The following ELK3 variants were observed in gnomAD, a reference collection of about 807,000 sequenced individuals.
ELK3 encodes the protein ETS domain-containing protein Elk-3.
Under a neutral mutation model 28.9 loss-of-function variants are expected in ELK3, and 10 were observed. The observed-to-expected ratio is 0.35, with a 90% CI of 0.21 to 0.59. The LOEUF is 0.59. Ranked by LOEUF, ELK3 falls within the 20% of genes least tolerant of loss-of-function variation. ELK3 has a pLI of 0.82. For missense variants in ELK3, 463 were observed against 517.3 expected, an observed-to-expected ratio of 0.90 and a Z score of 1.02; for synonymous variants, 272 against 243.5, an observed-to-expected ratio of 1.12 and a Z score of -1.09.
chr12:96,249,980 G>T (rs956398886), intron 3 of ELK3, among the ~76,000 whole-genome samples: 1 of 152,196 alleles, frequency 6.6e-6, no homozygotes, highest in Admixed American at 6.5e-5. Context: ...AGCTGTGAGG[G>T]TGGGGCTGTG....
At chr12:96,242,033 G>T (rs918103403) in intron 2 of ELK3, among the ~76,000 whole-genome samples, 1 of 152,204 alleles carries the variant, frequency 6.6e-6, no homozygotes, top group Admixed American at 6.5e-5. Context: ...CTAAAACCAC[G>T]CTGGAGATGC....
intron 1 of ELK3, among the ~76,000 whole-genome samples, chr12:96,196,946 AGTG>A (rs1951474150): frequency 6.6e-6 from 1 of 152,148 alleles, no homozygotes. Context: ...GGTATGAGTC[AGTG>A]GACATGAGTA....
At chr12:96,199,048 A>G (rs1041407314) in intron 1 of ELK3, among the ~76,000 whole-genome samples, 1 of 152,158 alleles carries the variant, frequency 6.6e-6, no homozygotes, top group Non-Finnish European at 1.5e-5. Context: ...CTCTTGAAAG[A>G]CTGAGTTCCT....
chr12:96,209,327 G>A (rs1226848059), intron 1 of ELK3, among the ~76,000 whole-genome samples: 2 of 152,008 alleles, frequency 1.3e-5, no homozygotes, highest in Admixed American at 1.3e-4. Context: ...ACCCTTCCCA[G>A]AAAGACGCCT....
At chr12:96,231,528 T>C (rs1333879517) in intron 2 of ELK3, among the ~76,000 whole-genome samples, 3 of 152,196 alleles carry the variant, frequency 2.0e-5, no homozygotes, top group Admixed American at 6.5e-5. Flanking sequence ...GTTTCACTCC[T>C]GTTGGCCAGA....
chr12:96,213,733 GT>G (rs1190046661), intron 1 of ELK3: 1 of 150,812 alleles, frequency 6.6e-6, no homozygotes, highest in Non-Finnish European at 1.5e-5. Flanking sequence ...CTTTTTTTTT[GT>G]TTTGTTTTTG....
At chr12:96,265,695 A>G (rs1952024294) in intron 4 of ELK3, among the ~76,000 whole-genome samples, 1 of 152,184 alleles carries the variant, frequency 6.6e-6, no homozygotes, top group Non-Finnish European at 1.5e-5. Context: ...AAATAAATAA[A>G]TAAATGAAAA....
At chr12:96,239,803 C>T (rs1311757046) in intron 2 of ELK3, among the ~76,000 whole-genome samples, 3 of 152,216 alleles carry the variant, frequency 2.0e-5, no homozygotes, top group African/African-American at 7.2e-5. Flanking sequence ...GCTCTTCTCC[C>T]TCCCAGTCTG....
intron 2 of ELK3, 77 bp downstream of exon 2, chr12:96,223,850 T>C (rs746367228): frequency 2.8e-6 from 4 of 1,408,350 alleles, no homozygotes; most frequent in Non-Finnish European, 4.0e-6. Context: ...TGAAAGAAAA[T>C]AATAGCGTGC....
chr12:96,258,148 T>A (rs901238804), intron 3 of ELK3, among the ~76,000 whole-genome samples: 1 of 152,212 alleles, frequency 6.6e-6, no homozygotes, highest in African/African-American at 2.4e-5. Flanking sequence ...GGCTGGGAAG[T>A]AGTGGTTCTG....
chr12:96,202,320 C>T (rs1951512528), intron 1 of ELK3, among the ~76,000 whole-genome samples: 1 of 152,160 alleles, frequency 6.6e-6, no homozygotes, highest in African/African-American at 2.4e-5. Context: ...TGTCCTCTGC[C>T]CTCTGTCCAC....
intron 1 of ELK3, among the ~76,000 whole-genome samples, chr12:96,221,284 G>A (rs1291923713): frequency 6.6e-6 from 1 of 152,230 alleles, no homozygotes; most frequent in Non-Finnish European, 1.5e-5. Context: ...TGCACAAGAA[G>A]CTCCGAGGAG....
At chr12:96,259,623 C>T (rs774499324) in intron 3 of ELK3, 108 bp from the exon 4 acceptor site, 50 of 1,260,076 alleles carry the variant, frequency 4.0e-5, no homozygotes, top group African/African-American at 1.2e-4. Context: ...ATGGTAAGGT[C>T]GTTTCCTGGC....
chr12:96,246,888 C>A (rs1372329578), intron 2 of ELK3, 52 bp from the exon 3 acceptor site: 1 of 1,520,704 alleles, frequency 6.6e-7, no homozygotes, highest in Non-Finnish European at 8.9e-7. Context: ...TGAGCTCTTA[C>A]ATGGTTTCTC....
At chr12:96,203,709 G>A (rs1951521149) in intron 1 of ELK3, among the ~76,000 whole-genome samples, 1 of 152,212 alleles carries the variant, frequency 6.6e-6, no homozygotes, top group African/African-American at 2.4e-5. Context: ...GAGAGGCCGA[G>A]GCGGGCAGAT....
At chr12:96,249,336 C>T (rs1471364911) in intron 3 of ELK3, among the ~76,000 whole-genome samples, 3 of 152,198 alleles carry the variant, frequency 2.0e-5, no homozygotes, top group Non-Finnish European at 2.9e-5. Flanking sequence ...GGATTCTGCC[C>T]AGGATTTCAT....
At chr12:96,259,256 G>T (rs1042686665) in intron 3 of ELK3, among the ~76,000 whole-genome samples, 1 of 152,218 alleles carries the variant, frequency 6.6e-6, no homozygotes. Context: ...AATTAGCATT[G>T]AAGAAAACTA....
At chr12:96,265,234 C>T (rs1213931255) in intron 4 of ELK3, among the ~76,000 whole-genome samples, 2 of 152,124 alleles carry the variant, frequency 1.3e-5, no homozygotes, top group Admixed American at 1.3e-4. Context: ...TTAGAAAAGC[C>T]AGGCTAATCA....
Position 96,247,650 on chromosome 12 carries a change from C to G in ELK3, c.918C>G (p.Leu306=), listed in dbSNP as rs759095206. Residue 306 remains leucine (L), a synonymous_variant, in exon 3 of 5, where the codon CTC becomes CTG. Coordinates refer to ENST00000228741, the MANE Select transcript of ELK3 (RefSeq NM_005230.4). This position sits in a 1 kb window ranked among gnomAD's most constrained non-coding sequence, Gnocchi z 5.5. The part of the protein sequence containing the change: ...GLEISAPPLV[L]SGTDIGSIAL... ...AAATCTCAGCGCCCCCGCTGGTGCT[C>G]TCCGGCACCGACATCGGCTCCATCG... The G allele has an allele frequency of 1.7e-5, 28 of 1,612,682 alleles. No homozygotes were observed. Among genetic ancestry groups the G allele is most frequent in the Non-Finnish European group, 2.4e-5 (28 of 1,179,976 alleles).
Sources: allele counts gnomAD v4.1 joint callset (sites outside exome capture counted in the v4.1 genomes callset), GRCh38; gene constraint gnomAD v4.1.1; non-coding constraint Gnocchi (gnomAD v3.1); transcripts MANE v1.5; gene names NCBI Gene and HGNC (gene_info 2026-07-23, HGNC 2026-07-21).